TMEFF2: variants seen among roughly 807,000 people sequenced by gnomAD.
The protein encoded by TMEFF2 is transmembrane protein with EGF like and two follistatin like domains 2.
In TMEFF2, 28 loss-of-function variants were observed where a neutral mutation model predicts 53.8. The ratio of observed to expected loss-of-function variants is 0.52; its 90% CI spans 0.39 to 0.71. TMEFF2 has a LOEUF of 0.71. Among genes scored for constraint, TMEFF2 ranks in the 30% least tolerant of loss-of-function variants. TMEFF2 has a pLI of 0.00. For missense variants in TMEFF2, 353 were observed against 455.2 expected (o/e 0.78, Z 2.04); for synonymous variants, 162 against 166.3 (o/e 0.97, Z 0.20).
intron 4 of TMEFF2, among the ~76,000 whole-genome samples, chr2:192,167,351 T>G (rs1690793731): frequency 6.6e-6 from 1 of 152,146 alleles, no homozygotes; most frequent in South Asian, 2.1e-4. Flanking sequence ...GTTGGGCGTA[T>G]AGAAACAATC....
At chr2:192,110,461 C>T (rs891518124) in intron 4 of TMEFF2, among the ~76,000 whole-genome samples, 3 of 152,082 alleles carry the variant, frequency 2.0e-5, no homozygotes, top group African/African-American at 7.2e-5. Flanking sequence ...AGCTGATATC[C>T]TTCATCTTTT....
intron 5 of TMEFF2, among the ~76,000 whole-genome samples, chr2:192,055,880 C>A (rs1687896723): frequency 6.6e-6 from 1 of 151,870 alleles, no homozygotes; most frequent in African/African-American, 2.4e-5. Context: ...CATAGACTCT[C>A]TCACTCGGCT....
chr2:191,959,763 A>T (rs899001908), intron 7 of TMEFF2, among the ~76,000 whole-genome samples: 14 of 152,194 alleles, frequency 9.2e-5, no homozygotes, highest in African/African-American at 3.4e-4. Context: ...AATTTGACTA[A>T]ATCTATCCAT....
At chr2:192,088,489 C>G (rs999029584) in intron 4 of TMEFF2, among the ~76,000 whole-genome samples, 3 of 152,080 alleles carry the variant, frequency 2.0e-5, no homozygotes, top group Admixed American at 2.0e-4. Context: ...CAATGAGCAA[C>G]ACTTAGGTCA....
At chr2:192,079,795 C>T (rs1688511656) in intron 4 of TMEFF2, among the ~76,000 whole-genome samples, 1 of 151,818 alleles carries the variant, frequency 6.6e-6, no homozygotes, top group South Asian at 2.1e-4. Flanking sequence ...TTTAAATAAC[C>T]CAAACATGTG....
intron 4 of TMEFF2, among the ~76,000 whole-genome samples, chr2:192,086,166 T>C (rs1688665545): frequency 6.6e-6 from 1 of 152,186 alleles, no homozygotes; most frequent in Admixed American, 6.6e-5. Context: ...GACTCATTGA[T>C]ATCTGTCCAC....
intron 4 of TMEFF2, among the ~76,000 whole-genome samples, chr2:192,088,171 A>C (rs74772761): frequency 0.011 from 1,651 of 149,166 alleles, 14 homozygotes; most frequent in Non-Finnish European, 0.019. Flanking sequence ...GAAATTTACC[A>C]TAAGCTCATA....
intron 7 of TMEFF2, among the ~76,000 whole-genome samples, chr2:191,967,028 ACTT>A (rs1191811812): frequency 1.3e-5 from 2 of 151,160 alleles, no homozygotes; most frequent in Admixed American, 1.3e-4. Context: ...TTAAAACTGA[ACTT>A]CTGAGAAAAA....
intron 4 of TMEFF2, among the ~76,000 whole-genome samples, chr2:192,132,096 C>T (rs558557858): frequency 2.6e-5 from 4 of 152,180 alleles, no homozygotes; most frequent in African/African-American, 9.6e-5. Flanking sequence ...CCCATCTGAC[C>T]TCTCCCCTCC....
intron 4 of TMEFF2, among the ~76,000 whole-genome samples, chr2:192,077,783 C>T (rs577125620): frequency 1.3e-5 from 2 of 151,602 alleles, no homozygotes; most frequent in Non-Finnish European, 2.9e-5. Flanking sequence ...TGTACACATA[C>T]AATTTTATAT....
chr2:191,997,162 C>T (rs1316547800), intron 7 of TMEFF2, among the ~76,000 whole-genome samples: 1 of 151,868 alleles, frequency 6.6e-6, no homozygotes, highest in East Asian at 1.9e-4. Flanking sequence ...AATGGCTATA[C>T]ATTGGTAGAA....
intron 5 of TMEFF2, among the ~76,000 whole-genome samples, chr2:192,005,592 A>G (rs1164828660): frequency 1.3e-5 from 2 of 152,134 alleles, no homozygotes; most frequent in African/African-American, 4.8e-5. Context: ...AAAGCACCCA[A>G]CTATACCGCA....
chr2:192,170,270 A>T (rs1339337241), intron 4 of TMEFF2, among the ~76,000 whole-genome samples: 1 of 152,080 alleles, frequency 6.6e-6, no homozygotes, highest in Non-Finnish European at 1.5e-5. Flanking sequence ...TGTGTCAGAA[A>T]TTCTACTTGC....
intron 7 of TMEFF2, among the ~76,000 whole-genome samples, chr2:191,981,181 C>G (rs1685844280): frequency 6.6e-6 from 1 of 152,044 alleles, no homozygotes; most frequent in African/African-American, 2.4e-5. Flanking sequence ...AGGAAAGAGA[C>G]TTAATTGAAG....
At chr2:192,158,956 C>T (rs753830064) in intron 4 of TMEFF2, among the ~76,000 whole-genome samples, 6 of 151,986 alleles carry the variant, frequency 3.9e-5, no homozygotes, top group South Asian at 2.1e-4. Context: ...TAGGGTCGAG[C>T]GATCATTTTT....
intron 5 of TMEFF2, among the ~76,000 whole-genome samples, chr2:192,047,128 C>G (rs1574323661): frequency 6.6e-6 from 1 of 152,010 alleles, no homozygotes; most frequent in African/African-American, 2.4e-5. Context: ...ACCGTGTTGC[C>G]CAGGTTGGTC....
At chr2:191,951,360 T>G (rs1691874744) in intron 9 of TMEFF2, among the ~76,000 whole-genome samples, 1 of 152,072 alleles carries the variant, frequency 6.6e-6, no homozygotes, top group African/African-American at 2.4e-5. Flanking sequence ...TCCATACTTT[T>G]TGTGACACAT....
chr2:192,194,091 A>G lies in TMEFF2; in HGVS notation c.172+262T>C, dbSNP rs915609433. On this transcript the variant is annotated intron_variant, in intron 1 of 9. Transcript: ENST00000272771. This position sits in a 1 kb window ranked among gnomAD's most constrained non-coding sequence, Gnocchi z 4.2. ...AAACCATCCCGTTTAATATTTCTCA[A>G]AATCCTCGCAGCTCCAATGTAAGCG... 2.6e-5 allele frequency among the ~76,000 whole-genome samples: 4 copies of G among 152,142 alleles called. No individual in the cohort carries two copies. Among genetic ancestry groups the G allele is most frequent in the Non-Finnish European group, 5.9e-5 (4 of 68,022 alleles).
intron 5 of TMEFF2, among the ~76,000 whole-genome samples, chr2:192,018,361 T>A (rs1448155044): frequency 6.6e-6 from 1 of 152,200 alleles, no homozygotes; most frequent in East Asian, 1.9e-4. Context: ...ATCCTTATTA[T>A]ATTAAATTTC....
Sources: allele counts gnomAD v4.1 joint callset (sites outside exome capture counted in the v4.1 genomes callset), GRCh38; gene constraint gnomAD v4.1.1; non-coding constraint Gnocchi (gnomAD v3.1); transcripts MANE v1.5; gene names NCBI Gene and HGNC (gene_info 2026-07-23, HGNC 2026-07-21).